Variants in SEMA6D observed in about 807,000 individuals in gnomAD.
SEMA6D encodes the protein semaphorin-6D.
A neutral mutation model predicts 106.6 loss-of-function variants in SEMA6D; 35 were observed. The ratio of observed to expected loss-of-function variants is 0.33; its 90% CI spans 0.25 to 0.44. The LOEUF (loss-of-function observed/expected upper bound fraction) is 0.44. Ranked by LOEUF, SEMA6D falls within the 20% of genes least tolerant of loss-of-function variation. SEMA6D has a pLI of 1.00. For missense variants in SEMA6D, 1,185 were observed against 1,345.9 expected, an observed-to-expected ratio of 0.88 and a Z score of 1.87; for synonymous variants, 499 against 487.7, an observed-to-expected ratio of 1.02 and a Z score of -0.31.
chr15:47,428,522 T>A (rs1470465951), intron 2 of SEMA6D, among the ~76,000 whole-genome samples: 1 of 35,460 alleles, frequency 2.8e-5, no homozygotes, highest in African/African-American at 8.8e-5. Context: ...ATCCCAGCAC[T>A]TTAGGATTTA....
At chr15:47,721,397 T>A (rs1003786512) in intron 1 of SEMA6D, among the ~76,000 whole-genome samples, 3 of 152,198 alleles carry the variant, frequency 2.0e-5, no homozygotes, top group African/African-American at 7.2e-5. Flanking sequence ...CTCATGTGAA[T>A]GGAGACTTAG....
intron 4 of SEMA6D, among the ~76,000 whole-genome samples, chr15:47,688,856 T>C (rs2078526149): frequency 6.6e-6 from 1 of 152,162 alleles, no homozygotes; most frequent in African/African-American, 2.4e-5. Flanking sequence ...TTATGTAAAT[T>C]TTTCACAAGC....
chr15:47,588,871 C>G (rs998263821), intron 3 of SEMA6D, among the ~76,000 whole-genome samples: 2 of 152,150 alleles, frequency 1.3e-5, no homozygotes, highest in African/African-American at 2.4e-5. Flanking sequence ...GGCAGTTTGT[C>G]TGCCAAGGGG....
chr15:47,463,396 G>A (rs574487376), intron 2 of SEMA6D, among the ~76,000 whole-genome samples: 8 of 152,220 alleles, frequency 5.3e-5, no homozygotes, highest in South Asian at 4.1e-4. Flanking sequence ...GACTCAATTC[G>A]TATAGCCCTG....
At chr15:47,489,524 C>T (rs2141408635) in intron 3 of SEMA6D, among the ~76,000 whole-genome samples, 1 of 152,308 alleles carries the variant, frequency 6.6e-6, no homozygotes, top group Middle Eastern at 3.4e-3. Context: ...CATGAAAAAT[C>T]CCTATGCGTT....
At chr15:47,206,152 G>A (rs1264646483) in intron 1 of SEMA6D, among the ~76,000 whole-genome samples, 1 of 152,156 alleles carries the variant, frequency 6.6e-6, no homozygotes, top group Non-Finnish European at 1.5e-5. Flanking sequence ...TGCCTTGAAG[G>A]TTGTTTTAAC....
At chr15:47,305,901 G>A (rs950953143) in intron 1 of SEMA6D, among the ~76,000 whole-genome samples, 1 of 152,166 alleles carries the variant, frequency 6.6e-6, no homozygotes, top group Non-Finnish European at 1.5e-5. Flanking sequence ...TACATTCTCA[G>A]TGCTAGCACC....
chr15:47,541,029 C>T (rs1250621833), intron 3 of SEMA6D, among the ~76,000 whole-genome samples: 3 of 152,022 alleles, frequency 2.0e-5, no homozygotes, highest in African/African-American at 7.2e-5. Context: ...AAAGGGGAAC[C>T]ATGGAAGAAT....
Position 47,729,955 on chromosome 15 carries a change from T to G in SEMA6D, c.-55+12263T>G, listed in dbSNP as rs548314095. Among the ~76,000 whole-genome samples, 121 of 152,302 alleles carry G rather than the reference T, an allele frequency of 7.9e-4. 4 individuals are homozygous for G. Among genetic ancestry groups the G allele is most frequent in the Admixed American group, 7.9e-3 (121 of 15,308 alleles). On this transcript the variant is annotated intron_variant, in intron 1 of 18. Coordinates refer to ENST00000536845, the MANE Select transcript of SEMA6D (RefSeq NM_001358351.3). ...GCCTTGCTAGCCTTAGTTTTCTCCT[T>G]AGGACAAAGAGAGGTGGTGATGGGC... is the stretch of plus-strand genomic sequence containing the variant.
At chr15:47,723,160 A>G (rs1302646348) in intron 1 of SEMA6D, among the ~76,000 whole-genome samples, 1 of 152,218 alleles carries the variant, frequency 6.6e-6, no homozygotes, top group African/African-American at 2.4e-5. Context: ...GTGAAATTAT[A>G]TGTACACGGT....
At chr15:47,469,084 G>T (rs2042749366) in intron 2 of SEMA6D, among the ~76,000 whole-genome samples, 1 of 152,140 alleles carries the variant, frequency 6.6e-6, no homozygotes, top group Non-Finnish European at 1.5e-5. Context: ...GAACTCAATG[G>T]CATAGTGAGT....
At chr15:47,344,782 G>A (rs553315606) in intron 1 of SEMA6D, among the ~76,000 whole-genome samples, 54 of 152,172 alleles carry the variant, frequency 3.5e-4, no homozygotes, top group Non-Finnish European at 1.6e-4. Flanking sequence ...TCTTTTGTTT[G>A]CAGACAACAT....
chr15:47,227,963 CTT>C lies in SEMA6D; in HGVS notation c.-239+43546_-239+43547del, dbSNP rs1491525202. 5.6e-4 allele frequency among the ~76,000 whole-genome samples: 76 copies of C among 136,916 alleles called. 2 individuals are homozygous for C. Among genetic ancestry groups the C allele is most frequent in the African/African-American group, 8.1e-4 (31 of 38,140 alleles). The allele number at this position is 136,916 out of a possible 152,430, so 89.8% of individuals were successfully genotyped here. ...TATATATATTTTTATATGTAAGAATCTTATATATATTTTATATATATAAGATT... is the reference window on the plus strand; with the variant it reads ...TATATATATTTTTATATGTAAGAATCATATATATTTTATATATATAAGATT... On this transcript the variant is annotated intron_variant, in intron 1 of 19. Coordinates refer to the SEMA6D transcript ENST00000558014.
At chr15:47,338,661 T>A (rs1180154534) in intron 1 of SEMA6D, among the ~76,000 whole-genome samples, 1 of 152,032 alleles carries the variant, frequency 6.6e-6, no homozygotes, top group East Asian at 1.9e-4. Flanking sequence ...CTGAATGAGG[T>A]TCTAGTAATG....
chr15:47,513,286 A>AT (rs2044288363), intron 3 of SEMA6D, among the ~76,000 whole-genome samples: 1 of 152,158 alleles, frequency 6.6e-6, no homozygotes, highest in South Asian at 2.1e-4. Context: ...TTATAATATT[A>AT]ATATTTATGC....
chr15:47,675,478 G>C (rs2078225539), intron 4 of SEMA6D, among the ~76,000 whole-genome samples: 1 of 152,136 alleles, frequency 6.6e-6, no homozygotes, highest in South Asian at 2.1e-4. Context: ...AAGACAAGGA[G>C]AGGGACCTCA....
At chr15:47,320,445 C>A (rs989105591) in intron 1 of SEMA6D, among the ~76,000 whole-genome samples, 1 of 152,134 alleles carries the variant, frequency 6.6e-6, no homozygotes, top group African/African-American at 2.4e-5. Context: ...AAATTTGTGT[C>A]ACCCAATTTC....
rs575357918 is a variant in SEMA6D at position 47,758,444 on chromosome 15, AG to A, written c.-54-1293del. Among the ~76,000 whole-genome samples, 492 of 141,928 alleles carry A rather than the reference AG, an allele frequency of 3.5e-3. 2 individuals carry two copies. The highest frequency in any genetic ancestry group is 5.3e-3 in the Non-Finnish European group (359 of 67,716). 93.1% of individuals were successfully genotyped at this position (141,928 alleles called of 152,430 possible). On this transcript the variant is annotated intron_variant, in intron 1 of 18. Transcript: ENST00000536845. ...TAGCTGCAAGTGACAGTTTTGGTTG[AG>A]GGGGGGGTGTTATTGTTGCAAAGTA...
intron 3 of SEMA6D, among the ~76,000 whole-genome samples, chr15:47,523,747 C>T (rs1035074340): frequency 4.6e-5 from 7 of 152,178 alleles, no homozygotes; most frequent in Non-Finnish European, 1.0e-4. Flanking sequence ...TGATGACTGT[C>T]ATCTCCTCTA....
Sources: gnomAD v4.1 joint callset for allele counts (sites outside exome capture counted in the v4.1 genomes callset) on GRCh38, gnomAD v4.1.1 for gene constraint, MANE v1.5 for transcripts, NCBI Gene and HGNC (gene_info 2026-07-23, HGNC 2026-07-21) for gene names.